The following ZNF804A variants were observed in gnomAD, a reference collection of about 807,000 sequenced individuals.
ZNF804A encodes zinc finger protein 804A.
A neutral mutation model predicts 16.5 loss-of-function variants in ZNF804A; 2 were observed. The observed-to-expected ratio is 0.12, with a 90% CI of 0.05 to 0.38. The LOEUF (loss-of-function observed/expected upper bound fraction) is 0.38. Among genes scored for constraint, ZNF804A ranks in the 10% least tolerant of loss-of-function variants. ZNF804A has a pLI of 0.99. For missense variants in ZNF804A, 1,473 were observed against 1,390.7 expected, an observed-to-expected ratio of 1.06 and a Z score of -0.94; for synonymous variants, 534 against 489.6, an observed-to-expected ratio of 1.09 and a Z score of -1.20.
chr2:184,705,118 G>GTGA (rs1693001265), intron 1 of ZNF804A, among the ~76,000 whole-genome samples: 2 of 152,178 alleles, frequency 1.3e-5, no homozygotes, highest in South Asian at 4.1e-4. Context: ...ACTGGAAGAA[G>GTGA]TGATGCCTGG....
intron 1 of ZNF804A, among the ~76,000 whole-genome samples, chr2:184,601,924 A>G (rs1468937404): frequency 1.3e-5 from 2 of 151,962 alleles, no homozygotes; most frequent in African/African-American, 4.8e-5. Flanking sequence ...AAATCACAGG[A>G]TTAATTTAAG....
At chr2:184,812,658 T>G (rs763667745) in intron 1 of ZNF804A, among the ~76,000 whole-genome samples, 1 of 152,126 alleles carries the variant, frequency 6.6e-6, no homozygotes, top group Non-Finnish European at 1.5e-5. Flanking sequence ...GGGCTCTACC[T>G]GCTGGGAGGT....
intron 1 of ZNF804A, among the ~76,000 whole-genome samples, chr2:184,606,853 A>ACG (rs1177166517): frequency 6.6e-6 from 1 of 151,850 alleles, no homozygotes; most frequent in Non-Finnish European, 1.5e-5. Context: ...ACACACACAC[A>ACG]CATACACACA....
intron 2 of ZNF804A, among the ~76,000 whole-genome samples, chr2:184,880,810 C>A (rs1684798674): frequency 6.6e-6 from 1 of 152,004 alleles, no homozygotes; most frequent in South Asian, 2.1e-4. Flanking sequence ...AAGAGGGTGC[C>A]CAATTCACTC....
chr2:184,923,659 T>C (rs1685566391), intron 2 of ZNF804A, among the ~76,000 whole-genome samples: 1 of 152,042 alleles, frequency 6.6e-6, no homozygotes, highest in African/African-American at 2.4e-5. Context: ...AGTTTTTTCC[T>C]CATTCAGTAC....
intron 1 of ZNF804A, among the ~76,000 whole-genome samples, chr2:184,655,259 A>G (rs752750461): frequency 6.6e-6 from 1 of 152,206 alleles, no homozygotes; most frequent in Non-Finnish European, 1.5e-5. Flanking sequence ...GATTTGTAGA[A>G]TTAGTGCTTC....
chr2:184,712,489 A>G (rs1004947937), intron 1 of ZNF804A, among the ~76,000 whole-genome samples: 4 of 151,702 alleles, frequency 2.6e-5, no homozygotes, highest in African/African-American at 9.7e-5. Context: ...GTTGGCTGTA[A>G]TGAGTCTTGG....
chr2:184,686,084 A>C (rs1692625051), intron 1 of ZNF804A, among the ~76,000 whole-genome samples: 1 of 152,196 alleles, frequency 6.6e-6, no homozygotes, highest in Non-Finnish European at 1.5e-5. Context: ...TTTGCTCCAC[A>C]CTGGAGTGGG....
chr2:184,834,242 A>G (rs554819588), intron 1 of ZNF804A, among the ~76,000 whole-genome samples: 4 of 152,240 alleles, frequency 2.6e-5, no homozygotes, highest in South Asian at 2.1e-4. Flanking sequence ...GATGCTAAAC[A>G]TGTCCAATAT....
chr2:184,606,278 A>G (rs1691143112), intron 1 of ZNF804A, among the ~76,000 whole-genome samples: 1 of 152,204 alleles, frequency 6.6e-6, no homozygotes, highest in Admixed American at 6.5e-5. Context: ...CAGAAAACTT[A>G]CAATCATGGT....
At chr2:184,935,018 A>G (rs1286585873) in intron 3 of ZNF804A, among the ~76,000 whole-genome samples, 2 of 152,136 alleles carry the variant, frequency 1.3e-5, no homozygotes, top group African/African-American at 4.8e-5. Flanking sequence ...TTTTCTTCAC[A>G]CAGAGTTCTG....
chr2:184,897,187 G>A lies in ZNF804A; in HGVS notation c.255+30675G>A, dbSNP rs77779749. Among the ~76,000 whole-genome samples, 518 of 152,006 alleles carry A rather than the reference G, an allele frequency of 3.4e-3. 5 individuals are homozygous for A. Among genetic ancestry groups the A allele is most frequent in the African/African-American group, 0.012 (487 of 41,482 alleles). On this transcript the variant is annotated intron_variant, in intron 2 of 3. Transcript: ENST00000302277. ...GATTAAAATGGGCTATGTTTTGGGG[G>A]GAAGAAAAACCACAGAGGAAAATAC... is the stretch of plus-strand genomic sequence containing the variant.
chr2:184,815,284 G>T (rs1694965610), intron 1 of ZNF804A, among the ~76,000 whole-genome samples: 1 of 151,642 alleles, frequency 6.6e-6, no homozygotes, highest in Admixed American at 6.6e-5. Flanking sequence ...TCCATACTAG[G>T]TTTTGCAATC....
chr2:184,881,682 C>T (rs1402339044), intron 2 of ZNF804A, among the ~76,000 whole-genome samples: 3 of 151,758 alleles, frequency 2.0e-5, no homozygotes, highest in Non-Finnish European at 2.9e-5. Flanking sequence ...CTAGCCAAGC[C>T]AAGCTTCATA....
Position 184,615,488 on chromosome 2 carries a change from G to T in ZNF804A, c.111+16418G>T, listed in dbSNP as rs146487202. Among the ~76,000 whole-genome samples the T allele has an allele frequency of 1.4e-4, 21 of 152,082 alleles. No individual in the cohort carries two copies. The East Asian group carries it at 4.0e-3, about 29-fold the overall frequency. On this transcript the variant is annotated intron_variant, in intron 1 of 3. Transcript: ENST00000302277. ...TGCCTTTAACTCTCACAATTAATTTGGATGATAACTTATATGGTAACTCTG... is the reference window on the plus strand; with the variant it reads ...TGCCTTTAACTCTCACAATTAATTTTGATGATAACTTATATGGTAACTCTG...
At chr2:184,918,369 G>A (rs1181823168) in intron 2 of ZNF804A, among the ~76,000 whole-genome samples, 5 of 152,128 alleles carry the variant, frequency 3.3e-5, no homozygotes, top group African/African-American at 1.2e-4. Flanking sequence ...CAGAACATAA[G>A]GTGGCATAAA....
chr2:184,720,851 C>A (rs1693301414), intron 1 of ZNF804A, among the ~76,000 whole-genome samples: 2 of 151,986 alleles, frequency 1.3e-5, no homozygotes, highest in African/African-American at 4.8e-5. Flanking sequence ...AGATATAGTA[C>A]AAGGCTATAG....
intron 1 of ZNF804A, among the ~76,000 whole-genome samples, chr2:184,821,476 C>T (rs112362179): frequency 1.8e-4 from 27 of 151,974 alleles, no homozygotes; most frequent in Non-Finnish European, 2.9e-4. Flanking sequence ...ACAAAATCTA[C>T]GCAATGCCAT....
chr2:184,618,206 T>G (rs1286941494), intron 1 of ZNF804A, among the ~76,000 whole-genome samples: 1 of 152,126 alleles, frequency 6.6e-6, no homozygotes, highest in Admixed American at 6.6e-5. Context: ...TATCATGGTT[T>G]AATTTGCAAA....
Sources: allele counts gnomAD v4.1 joint callset (sites outside exome capture counted in the v4.1 genomes callset), GRCh38; gene constraint gnomAD v4.1.1; transcripts MANE v1.5; gene names NCBI Gene and HGNC (gene_info 2026-07-23, HGNC 2026-07-21).